Variants in DCC observed in about 807,000 individuals in gnomAD.
DCC encodes netrin receptor DCC.
In DCC, 58 loss-of-function variants were observed where a neutral mutation model predicts 172.5. The ratio of observed to expected loss-of-function variants is 0.34; its 90% confidence interval spans 0.27 to 0.42. DCC has a LOEUF of 0.42. Among genes scored for constraint, DCC ranks in the 10% least tolerant of loss-of-function variants. The pLI, the probability that DCC is intolerant of heterozygous loss-of-function variation, is 1.00. For synonymous variants in DCC, 709 were observed against 644.5 expected (o/e 1.10, Z -1.52); for missense variants, 1,740 against 1,791.0 (o/e 0.97, Z 0.51).
intron 20 of DCC, among the ~76,000 whole-genome samples, chr18:53,412,105 A>G (rs1195957268): frequency 6.6e-6 from 1 of 152,162 alleles, no homozygotes; most frequent in African/African-American, 2.4e-5. Context: ...TTGTTTAATG[A>G]GCTCAGTATT....
intron 25 of DCC, among the ~76,000 whole-genome samples, chr18:53,476,103 T>C (rs1393843034): frequency 6.6e-6 from 1 of 152,202 alleles, no homozygotes; most frequent in Non-Finnish European, 1.5e-5. Flanking sequence ...AACGGCTGTA[T>C]TTACCAAATG....
chr18:52,799,286 C>T (rs991541631), intron 2 of DCC, among the ~76,000 whole-genome samples: 1 of 152,104 alleles, frequency 6.6e-6, no homozygotes, highest in Non-Finnish European at 1.5e-5. Flanking sequence ...CTTCAGATTG[C>T]TATAGTTTGA....
chr18:52,622,897 G>T (rs1378834684), intron 1 of DCC, among the ~76,000 whole-genome samples: 1 of 152,036 alleles, frequency 6.6e-6, no homozygotes, highest in Non-Finnish European at 1.5e-5. Flanking sequence ...TCTCACTTTC[G>T]TGCATCTAGC....
chr18:53,478,707 G>T (rs1307886872), intron 25 of DCC, among the ~76,000 whole-genome samples: 3 of 152,176 alleles, frequency 2.0e-5, no homozygotes, highest in South Asian at 2.1e-4. Flanking sequence ...CACTATGAGA[G>T]CCAATGCTCT....
At chr18:52,849,673 A>G (rs2038946005) in intron 2 of DCC, among the ~76,000 whole-genome samples, 1 of 152,222 alleles carries the variant, frequency 6.6e-6, no homozygotes, top group African/African-American at 2.4e-5. Context: ...AAGTTCATAA[A>G]AAGTAGCCTT....
Position 53,230,506 on chromosome 18 carries a change from A to C in DCC, c.1911+14909A>C, listed in dbSNP as rs544051682. ...TCTGTCATTCAGCTATTTATTCATG[A>C]ATTTAATTTTCTTGATTCATTTAGT... On this transcript the variant is annotated intron_variant, in intron 12 of 28. Transcript: ENST00000442544. Among the ~76,000 whole-genome samples the C allele has an allele frequency of 3.2e-4, 49 of 152,140 alleles. No homozygotes were observed. In the South Asian group the frequency reaches 4.3e-3, roughly 14 times the overall value.
intron 13 of DCC, among the ~76,000 whole-genome samples, chr18:53,306,494 G>A (rs557462934): frequency 6.6e-6 from 1 of 152,222 alleles, no homozygotes; most frequent in South Asian, 2.1e-4. Context: ...ACAACTTCGG[G>A]GCAAACACAG....
chr18:52,426,290 G>A (rs1254519156), intron 1 of DCC, among the ~76,000 whole-genome samples: 1 of 130,662 alleles, frequency 7.7e-6, no homozygotes, highest in African/African-American at 3.3e-5. Context: ...CAGCTGTAGT[G>A]CCAGAATTTT....
chr18:52,677,810 A>T (rs183698704), intron 1 of DCC, among the ~76,000 whole-genome samples: 9 of 152,308 alleles, frequency 5.9e-5, no homozygotes, highest in African/African-American at 2.2e-4. Context: ...ATTTAAGCAC[A>T]GGAGTGTCTC....
intron 14 of DCC, among the ~76,000 whole-genome samples, chr18:53,336,026 A>G (rs984040267): frequency 6.6e-6 from 1 of 152,154 alleles, no homozygotes; most frequent in Non-Finnish European, 1.5e-5. Context: ...TGTGACACCT[A>G]CAATTCAAGA....
rs1166150727 is a variant in DCC at position 52,941,910 on chromosome 18, G to A, written c.985+16540G>A. Reference sequence around the variant, plus strand: ...CAATTCTCCTGCCTCAGCCTCCCAAGTAGCTTGGATTACAGGCACCTGCCA... The same window carrying A: ...CAATTCTCCTGCCTCAGCCTCCCAAATAGCTTGGATTACAGGCACCTGCCA... On this transcript the variant is annotated intron_variant, in intron 5 of 28. Coordinates refer to ENST00000442544, the MANE Select transcript of DCC (RefSeq NM_005215.4). Among the ~76,000 whole-genome samples, 5 of 152,074 alleles carry A rather than the reference G, an allele frequency of 3.3e-5. No homozygotes were observed. In the East Asian group the frequency reaches 9.7e-4, roughly 29 times the overall value.
intron 12 of DCC, among the ~76,000 whole-genome samples, chr18:53,265,720 C>T (rs10502967): frequency 0.34 from 52,290 of 152,112 alleles, 10,561 homozygotes; most frequent in South Asian, 0.57. Context: ...ATGCAACAGA[C>T]ATTCTCAGCT....
At chr18:52,567,115 G>A (rs972839931) in intron 1 of DCC, among the ~76,000 whole-genome samples, 3 of 152,054 alleles carry the variant, frequency 2.0e-5, no homozygotes, top group Non-Finnish European at 4.4e-5. Flanking sequence ...ATCCAGCTGT[G>A]TTTTAACACA....
chr18:53,018,200 T>C (rs1296220051), intron 5 of DCC, among the ~76,000 whole-genome samples: 8 of 152,192 alleles, frequency 5.3e-5, no homozygotes, highest in African/African-American at 1.9e-4. Context: ...GATTGGAAGC[T>C]AGCATCATAT....
intron 2 of DCC, among the ~76,000 whole-genome samples, chr18:52,852,458 A>G (rs111313043): frequency 0.025 from 3,735 of 147,664 alleles, 136 homozygotes; most frequent in African/African-American, 0.091. Flanking sequence ...CTGAAAAACA[A>G]AAAACAAAAT....
intron 1 of DCC, among the ~76,000 whole-genome samples, chr18:52,522,967 G>A (rs1340791211): frequency 2.6e-5 from 4 of 152,182 alleles, no homozygotes; most frequent in African/African-American, 7.2e-5. Context: ...TGATAGTCAT[G>A]GCCACAGACT....
intron 26 of DCC, among the ~76,000 whole-genome samples, chr18:53,493,403 C>G (rs1180396952): frequency 2.0e-5 from 3 of 152,128 alleles, no homozygotes; most frequent in African/African-American, 7.2e-5. Context: ...TTGTCTTGTG[C>G]CAGTTTTCAA....
chr18:53,011,120 C>G (rs948425609), intron 5 of DCC, among the ~76,000 whole-genome samples: 1 of 151,384 alleles, frequency 6.6e-6, no homozygotes, highest in African/African-American at 2.4e-5. Context: ...TACAAATACT[C>G]TGACTGAAAG....
chr18:52,607,020 G>A (rs542906726), intron 1 of DCC, among the ~76,000 whole-genome samples: 1 of 152,056 alleles, frequency 6.6e-6, no homozygotes, highest in Non-Finnish European at 1.5e-5. Context: ...AAATGCTAAA[G>A]GTCATTTTTT....
Sources: gnomAD v4.1 joint callset for allele counts (sites outside exome capture counted in the v4.1 genomes callset) on GRCh38, gnomAD v4.1.1 for gene constraint, MANE v1.5 for transcripts, NCBI Gene and HGNC (gene_info 2026-07-23, HGNC 2026-07-21) for gene names.